Variants in MROH7 observed in about 807,000 individuals in gnomAD.
MROH7 encodes maestro heat like repeat family member 7.
A neutral mutation model predicts 129.2 loss-of-function variants in MROH7; 113 were observed. The ratio of observed to expected loss-of-function variants is 0.87; its 90% CI spans 0.75 to 1.02. MROH7 has a LOEUF of 1.02. Among genes scored for constraint, MROH7 ranks in the 50% least tolerant of loss-of-function variants. MROH7 has a pLI of 0.00. For synonymous variants in MROH7, 655 were observed against 667.9 expected, an observed-to-expected ratio of 0.98 and a Z score of 0.30; for missense variants, 1,601 against 1,671.3, an observed-to-expected ratio of 0.96 and a Z score of 0.73.
intron 7 of MROH7, among the ~76,000 whole-genome samples, 195 bp downstream of exon 7, chr1:54,671,124 A>G (rs1300783690): frequency 1.3e-5 from 2 of 152,178 alleles, no homozygotes; most frequent in Non-Finnish European, 2.9e-5. Flanking sequence ...GCGGTGGCTC[A>G]CACCTGTAAT....
intron 3 of MROH7, among the ~76,000 whole-genome samples, chr1:54,658,504 TA>T (rs1644682342): frequency 6.6e-6 from 1 of 152,222 alleles, no homozygotes; most frequent in South Asian, 2.1e-4. Context: ...TTTGCTTGTT[TA>T]AAACAATGTA....
chr1:54,647,256 TA>T (rs1336792074), intron 1 of MROH7, among the ~76,000 whole-genome samples: 6 of 152,236 alleles, frequency 3.9e-5, no homozygotes, highest in African/African-American at 1.4e-4. Context: ...CCAAGAGTTT[TA>T]TAGTTTTTGC....
intron 3 of MROH7, among the ~76,000 whole-genome samples, chr1:54,664,942 T>G (rs114537944): frequency 0.013 from 2,018 of 152,120 alleles, 41 homozygotes; most frequent in East Asian, 0.079. Flanking sequence ...AACCCGGAAG[T>G]TGAAGTTTGC....
chr1:54,678,961 C>G, intron 11 of MROH7, 107 bp downstream of exon 11: 1 of 926,560 alleles, frequency 1.1e-6, no homozygotes, highest in South Asian at 1.5e-5. Flanking sequence ...CTTTGCAGGA[C>G]GCCTTCCCAG....
At chr1:54,708,016 C>T (rs556791978) in intron 22 of MROH7, among the ~76,000 whole-genome samples, 1 of 152,226 alleles carries the variant, frequency 6.6e-6, no homozygotes, top group South Asian at 2.1e-4. Flanking sequence ...CGCAGATACT[C>T]AAGAAACCAA....
intron 21 of MROH7, among the ~76,000 whole-genome samples, chr1:54,704,041 G>C (rs1275749621): frequency 6.6e-6 from 1 of 152,018 alleles, no homozygotes; most frequent in Admixed American, 6.6e-5. Flanking sequence ...CCGTGTGAAG[G>C]GACATCTGAG....
At position 54,702,117 on chromosome 1, in the gene MROH7, A is replaced by G. The variant is rs1233898157; in HGVS notation, c.3313A>G (p.Ile1105Val). 1 of 1,609,398 alleles carries G rather than the reference A, an allele frequency of 6.2e-7. No individual in the cohort carries two copies. Among genetic ancestry groups the G allele is most frequent in the Admixed American group, 1.7e-5 (1 of 59,632 alleles). ...ACGAGAGGTCGTGCGCTCCTCCTGC[A>G]TCAACCTGTATGGGAAGGTGGTCCA... ...DAREVVRSSC[I>V]NLYGKVVQKL... The change falls in exon 20 of 24, where the codon ATC (isoleucine) becomes GTC (valine). Residue 1105 changes from isoleucine (I) to valine (V), a missense_variant. Transcript: ENST00000421030.
Position 54,670,877 on chromosome 1 carries a change from C to T in MROH7, c.1547C>T (p.Pro516Leu), listed in dbSNP as rs1243118996. ...NVCVHSVFSL[P>L]SVQAMQEKDE... ...TGTGTGCACAGCGTGTTCTCCCTGC[C>T]CTCCGTGCAGGCGATGCAGGAGAAG... is the stretch of plus-strand genomic sequence containing the variant. The change falls in exon 7 of 24, where the codon CCC becomes CTC. Residue 516 changes from proline to leucine, a missense_variant. Coordinates refer to ENST00000421030, the MANE Select transcript of MROH7 (RefSeq NM_001039464.4). 3.7e-6 allele frequency: 6 copies of T among 1,613,086 alleles called. No individual in the cohort carries two copies. Among genetic ancestry groups the T allele is most frequent in the Admixed American group, 1.7e-5 (1 of 59,898 alleles).
chr1:54,670,670 C>CCCCCCCCCCCCCCCCCCCGG, intron 6 of MROH7, 94 bp downstream of exon 6: 2 of 1,240,900 alleles, frequency 1.6e-6, no homozygotes, highest in Middle Eastern at 2.2e-4. Flanking sequence ...TCCCCCAACC[C>CCCCCCCCCCCCCCCCCCCGG]GCCCCCACCC....
At chr1:54,708,488 C>A (rs367583531) in intron 22 of MROH7, among the ~76,000 whole-genome samples, 8 of 152,100 alleles carry the variant, frequency 5.3e-5, no homozygotes, top group Admixed American at 1.3e-4. Context: ...ATTTAAGGAC[C>A]TGCAAATACT....
intron 22 of MROH7, 85 bp from the exon 23 acceptor site, chr1:54,708,929 C>A: frequency 1.8e-6 from 2 of 1,098,226 alleles, no homozygotes; most frequent in Non-Finnish European, 2.7e-6. Context: ...GGAAAAGCAT[C>A]TCTGAGGAAC....
At chr1:54,663,184 T>C (rs1644756909) in intron 3 of MROH7, among the ~76,000 whole-genome samples, 1 of 152,136 alleles carries the variant, frequency 6.6e-6, no homozygotes, top group African/African-American at 2.4e-5. Context: ...CATCAAACTT[T>C]CCATTTATTT....
Position 54,706,424 on chromosome 1 carries a change from C to G in MROH7, c.3565-11C>G. 6.2e-7 allele frequency: 1 copy of G among 1,606,826 alleles called. No homozygotes were observed. The highest frequency in any genetic ancestry group is 8.5e-7 in the Non-Finnish European group (1 of 1,175,832). ...AGAGGCCAGCACTTTTGGGGTTTCT[C>G]TTTGTCCTAGGTGAACACCCACCGA... On this transcript the variant is annotated splice_polypyrimidine_tract_variant and intron_variant, in intron 21 of 23. Transcript: ENST00000421030.
intron 16 of MROH7, among the ~76,000 whole-genome samples, chr1:54,695,092 G>A (rs745912563): frequency 1.3e-5 from 2 of 152,190 alleles, no homozygotes; most frequent in Non-Finnish European, 2.9e-5. Flanking sequence ...GCTGCCTGAC[G>A]TGGTCCTGTG....
chr1:54,670,347 A>G, intron 5 of MROH7, 150 bp from the exon 6 acceptor site: 1 of 632,954 alleles, frequency 1.6e-6, no homozygotes. Flanking sequence ...GCATGAGCCT[A>G]TAGTCCCAGT....
chr1:54,692,005 G>A (rs868784827), intron 15 of MROH7, among the ~76,000 whole-genome samples: 1 of 151,660 alleles, frequency 6.6e-6, no homozygotes, highest in African/African-American at 2.4e-5. Context: ...CCCCAGTCTC[G>A]TCAGTTGGTA....
At chr1:54,687,370 C>T (rs564415374) in intron 15 of MROH7, among the ~76,000 whole-genome samples, 10 of 152,316 alleles carry the variant, frequency 6.6e-5, no homozygotes, top group East Asian at 3.9e-4. Flanking sequence ...CCACTGCACC[C>T]GGCTGAGCTG....
chr1:54,686,918 T>C (rs952636463), intron 15 of MROH7, among the ~76,000 whole-genome samples: 1 of 152,236 alleles, frequency 6.6e-6, no homozygotes, highest in East Asian at 1.9e-4. Flanking sequence ...AGGAGGATTA[T>C]GCAGGGATAA....
At chr1:54,700,293 G>T (rs1454551131) in intron 17 of MROH7, 28 bp from the exon 18 acceptor site, 2 of 1,613,832 alleles carry the variant, frequency 1.2e-6, no homozygotes, top group Middle Eastern at 1.7e-4. Context: ...CCCTCAGCCT[G>T]GGAAGTAATG....
Sources: gnomAD v4.1 joint callset for allele counts (sites outside exome capture counted in the v4.1 genomes callset) on GRCh38, gnomAD v4.1.1 for gene constraint, MANE v1.5 for transcripts, NCBI Gene and HGNC (gene_info 2026-07-23, HGNC 2026-07-21) for gene names.